Variants in GKAP1 observed in about 807,000 individuals in gnomAD.
The protein encoded by GKAP1 is G kinase-anchoring protein 1.
A neutral mutation model predicts 56.7 loss-of-function variants in GKAP1; 31 were observed. The observed-to-expected ratio is 0.55, with a 90% CI of 0.41 to 0.74. The LOEUF (loss-of-function observed/expected upper bound fraction) is 0.74, where lower values mean the gene tolerates loss of function less well. Among genes scored for constraint, GKAP1 ranks in the 30% least tolerant of loss-of-function variants. GKAP1 has a pLI of 0.00. For synonymous variants in GKAP1, 151 were observed against 138.6 expected (o/e 1.09, Z -0.63); for missense variants, 364 against 402.3 (o/e 0.90, Z 0.82).
chr9:83,809,006 T>C (rs980099788), intron 2 of GKAP1, among the ~76,000 whole-genome samples: 10 of 152,226 alleles, frequency 6.6e-5, no homozygotes, highest in African/African-American at 1.9e-4. Flanking sequence ...GTGGACATGG[T>C]AGCTTGAGCA....
chr9:83,804,455 G>A (rs1944396581), intron 3 of GKAP1, among the ~76,000 whole-genome samples: 1 of 128,470 alleles, frequency 7.8e-6, no homozygotes, highest in Non-Finnish European at 1.7e-5. Context: ...GGGCGCCTCT[G>A]CCCGGCCACC....
intron 7 of GKAP1, among the ~76,000 whole-genome samples, chr9:83,779,472 T>TACATACACGCACATATACATAC (rs140600231): frequency 8.5e-6 from 1 of 117,750 alleles, no homozygotes; most frequent in Non-Finnish European, 1.8e-5. Flanking sequence ...CACGCACATA[T>TACATACACGCACATATACATAC]ACATATACAT....
intron 7 of GKAP1, among the ~76,000 whole-genome samples, chr9:83,775,246 T>C (rs1943838107): frequency 6.6e-6 from 1 of 152,050 alleles, no homozygotes; most frequent in African/African-American, 2.4e-5. Flanking sequence ...GCCTCAAGCA[T>C]TCCTCTCACC....
At chr9:83,739,767 G>A (rs1312353510) in intron 12 of GKAP1, 23 bp from the exon 13 acceptor site, 1 of 1,509,982 alleles carries the variant, frequency 6.6e-7, no homozygotes, top group Non-Finnish European at 9.2e-7. Context: ...AAAAAAATAG[G>A]GAAAATTATT....
intron 7 of GKAP1, among the ~76,000 whole-genome samples, chr9:83,778,673 C>T (rs1943902356): frequency 6.6e-6 from 1 of 151,592 alleles, no homozygotes; most frequent in African/African-American, 2.4e-5. Flanking sequence ...AATAAACCTA[C>T]ACATGTACCC....
intron 8 of GKAP1, among the ~76,000 whole-genome samples, chr9:83,765,001 G>C (rs914181018): frequency 2.0e-5 from 3 of 152,170 alleles, no homozygotes; most frequent in Non-Finnish European, 4.4e-5. Flanking sequence ...AAGACAATGG[G>C]GAAAATGTCT....
At chr9:83,765,272 G>T (rs572925574) in intron 8 of GKAP1, among the ~76,000 whole-genome samples, 5 of 152,208 alleles carry the variant, frequency 3.3e-5, no homozygotes, top group Non-Finnish European at 7.3e-5. Flanking sequence ...CAGAAGAGAA[G>T]GACTGAGATT....
intron 7 of GKAP1, among the ~76,000 whole-genome samples, chr9:83,775,329 C>G (rs972317456): frequency 6.6e-6 from 1 of 152,134 alleles, no homozygotes; most frequent in Non-Finnish European, 1.5e-5. Flanking sequence ...TGTATATTCC[C>G]TGTCATCGCC....
intron 2 of GKAP1, among the ~76,000 whole-genome samples, chr9:83,812,251 ATG>A (rs1944516959): frequency 1.3e-5 from 2 of 148,858 alleles, no homozygotes; most frequent in African/African-American, 2.5e-5. Flanking sequence ...ATACGTATAT[ATG>A]TATACGTATA....
In GKAP1 at chr9:83,808,839, T is replaced by C. The variant is rs77970719; in HGVS notation, c.-43-2279A>G. Among the ~76,000 whole-genome samples, 1,213 of 152,326 alleles carry C rather than the reference T, an allele frequency of 8.0e-3. 32 individuals are homozygous for C. The highest frequency in any genetic ancestry group is 0.036 in the East Asian group (189 of 5,188). ...GTAACTTACTTTGGCCAGCGAAATATAAACTTTAAAAAGCTTTACAAGTCA... is the reference window on the plus strand; with the variant it reads ...GTAACTTACTTTGGCCAGCGAAATACAAACTTTAAAAAGCTTTACAAGTCA... On this transcript the variant is annotated intron_variant, in intron 2 of 12. Coordinates refer to ENST00000376371, the MANE Select transcript of GKAP1 (RefSeq NM_025211.4).
chr9:83,814,959 G>A (rs1232293665), intron 2 of GKAP1, among the ~76,000 whole-genome samples: 1 of 151,984 alleles, frequency 6.6e-6, no homozygotes, highest in South Asian at 2.1e-4. Flanking sequence ...GGATCACAAG[G>A]TCAAGAGATC....
At chr9:83,800,214 G>GA (rs1944308483) in intron 3 of GKAP1, among the ~76,000 whole-genome samples, 2 of 151,128 alleles carry the variant, frequency 1.3e-5, no homozygotes, top group South Asian at 2.1e-4. Context: ...GTTATGAACT[G>GA]AATTTGTTAA....
intron 7 of GKAP1, among the ~76,000 whole-genome samples, chr9:83,770,684 C>T (rs7871837): frequency 5.1e-4 from 78 of 152,118 alleles, no homozygotes; most frequent in African/African-American, 1.8e-3. Flanking sequence ...ACCTCAGCCT[C>T]CTGAGTAGCT....
intron 7 of GKAP1, among the ~76,000 whole-genome samples, chr9:83,775,647 C>T (rs562788145): frequency 3.3e-5 from 5 of 151,742 alleles, no homozygotes; most frequent in African/African-American, 4.8e-5. Context: ...AGGCCAAGGC[C>T]GGTAGATCAC....
intron 2 of GKAP1, among the ~76,000 whole-genome samples, chr9:83,815,615 C>A (rs1944572440): frequency 6.6e-6 from 1 of 151,664 alleles, no homozygotes; most frequent in African/African-American, 2.4e-5. Flanking sequence ...CATATAAAAT[C>A]CTTAAATCAA....
chr9:83,795,588 C>CTTTTTTTTTTTTT, intron 4 of GKAP1, among the ~76,000 whole-genome samples: 1 of 109,052 alleles, frequency 9.2e-6, no homozygotes, highest in Non-Finnish European at 1.8e-5. Context: ...CTGAGAGTGT[C>CTTTTTTTTTTTTT]TTTTTTTTTT....
chr9:83,755,890 T>C (rs946785033), intron 8 of GKAP1, among the ~76,000 whole-genome samples: 9 of 150,820 alleles, frequency 6.0e-5, no homozygotes, highest in African/African-American at 2.0e-4. Flanking sequence ...CTGCAACCTC[T>C]GTCTCCCAGG....
intron 2 of GKAP1, among the ~76,000 whole-genome samples, chr9:83,813,512 T>G (rs1356476173): frequency 1.3e-5 from 2 of 152,198 alleles, no homozygotes; most frequent in Non-Finnish European, 2.9e-5. Flanking sequence ...TTTCAGCAAC[T>G]TGGGAGACTG....
Position 83,753,326 on chromosome 9 carries a change from G to A in GKAP1, c.772C>T (p.Leu258=), listed in dbSNP as rs780716818. 7.5e-6 allele frequency: 12 copies of A among 1,609,606 alleles called. No homozygotes were observed. Among genetic ancestry groups the A allele is most frequent in the Non-Finnish European group, 7.6e-6 (9 of 1,176,808 alleles). ...TCTTTCCTTTCAAGCTCTAACTTTAGTCTTTCAATTCTTCCATCTTTCAGA... is the reference window on the plus strand; with the variant it reads ...TCTTTCCTTTCAAGCTCTAACTTTAATCTTTCAATTCTTCCATCTTTCAGA... ...VVLKDGRIER[L]KLELERKDAE... Residue 258 remains leucine (L), a synonymous_variant, in exon 9 of 13, where the codon CTA becomes TTA. Coordinates refer to ENST00000376371, the MANE Select transcript of GKAP1 (RefSeq NM_025211.4).
Sources: allele counts gnomAD v4.1 joint callset (sites outside exome capture counted in the v4.1 genomes callset), GRCh38; gene constraint gnomAD v4.1.1; transcripts MANE v1.5; gene names NCBI Gene and HGNC (gene_info 2026-07-23, HGNC 2026-07-21).